DLGAP2: variants seen among roughly 807,000 people sequenced by gnomAD.
DLGAP2 encodes the protein DLG associated protein 2.
Under a neutral mutation model 100.3 loss-of-function variants are expected in DLGAP2, and 26 were observed. The ratio of observed to expected loss-of-function variants is 0.26; its 90% CI spans 0.19 to 0.36. The LOEUF is 0.36. DLGAP2 is among the 10% of genes least tolerant of loss of function. The pLI, the probability that DLGAP2 is intolerant of heterozygous loss-of-function variation, is 1.00. For synonymous variants in DLGAP2, 886 were observed against 630.1 expected, an observed-to-expected ratio of 1.41 and a Z score of -6.08; for missense variants, 1,858 against 1,453.2, an observed-to-expected ratio of 1.28 and a Z score of -4.53.
chr8:1,160,611 C>T (rs1034180122), intron 2 of DLGAP2, among the ~76,000 whole-genome samples: 11 of 152,100 alleles, frequency 7.2e-5, no homozygotes, highest in African/African-American at 2.7e-4. Context: ...ATGTACAGGC[C>T]TTGGAGGAGA....
At chr8:1,220,843 A>G (rs746193664) in intron 2 of DLGAP2, among the ~76,000 whole-genome samples, 6 of 150,998 alleles carry the variant, frequency 4.0e-5, no homozygotes, top group African/African-American at 1.2e-4. Flanking sequence ...TGAACCTTTT[A>G]TCATTATGTA....
In DLGAP2 at chr8:1,583,896, G is replaced by A. The variant is rs142219023; in HGVS notation, c.1442+18002G>A. Among the ~76,000 whole-genome samples the A allele has an allele frequency of 1.4e-3, 208 of 152,006 alleles. 1 individual carries two copies. Among genetic ancestry groups the A allele is most frequent in the African/African-American group, 3.8e-3 (158 of 41,476 alleles). On this transcript the variant is annotated intron_variant, in intron 6 of 14. Coordinates refer to ENST00000637795, the MANE Select transcript of DLGAP2 (RefSeq NM_001346810.2). The stretch of plus-strand genomic sequence containing the variant: ...TCCCCTGACAATTTTCTTCCTCCTC[G>A]CTCCTCTGACTTGAAGTCGGCTGTT...
chr8:941,900 A>T (rs1799204995), intron 2 of DLGAP2, among the ~76,000 whole-genome samples: 1 of 151,918 alleles, frequency 6.6e-6, no homozygotes, highest in African/African-American at 2.4e-5. Flanking sequence ...CTCAGCATTT[A>T]CAGGGCTGAC....
At chr8:911,268 C>A (rs564246603) in intron 2 of DLGAP2, among the ~76,000 whole-genome samples, 1 of 152,012 alleles carries the variant, frequency 6.6e-6, no homozygotes, top group African/African-American at 2.4e-5. Flanking sequence ...TCTTAGGATG[C>A]GTGTGTAATG....
intron 1 of DLGAP2, among the ~76,000 whole-genome samples, chr8:773,282 G>C (rs574469780): frequency 6.6e-6 from 1 of 151,504 alleles, no homozygotes; most frequent in Non-Finnish European, 1.5e-5. Context: ...AATCCTATTG[G>C]ATCAGGGCCC....
chr8:1,186,104 G>A (rs1188775605), intron 2 of DLGAP2, among the ~76,000 whole-genome samples: 2 of 152,170 alleles, frequency 1.3e-5, no homozygotes, highest in Non-Finnish European at 2.9e-5. Flanking sequence ...CTCCCCACTC[G>A]GTGGCCTCGC....
intron 1 of DLGAP2, among the ~76,000 whole-genome samples, chr8:831,194 G>A (rs56691261): frequency 0.13 from 18,563 of 146,328 alleles, 1,303 homozygotes; most frequent in East Asian, 0.24. Context: ...CACCACGCCC[G>A]GTCCAGCAGT....
intron 3 of DLGAP2, among the ~76,000 whole-genome samples, chr8:1,434,818 GTAACATGCATTATCGTTCC>G (rs1227493713): frequency 2.0e-5 from 3 of 152,172 alleles, no homozygotes; most frequent in African/African-American, 7.2e-5. Context: ...GTGAACATGA[GTAACATGCATTATCGTTCC>G]TTCCTCCTCC....
intron 3 of DLGAP2, among the ~76,000 whole-genome samples, chr8:1,417,727 A>ACGGGGAGCCCCACTCCTGCCT: frequency 2.7e-4 from 30 of 111,470 alleles, no homozygotes; most frequent in South Asian, 3.3e-4. Context: ...GAGGCTCCAG[A>ACGGGGAGCCCCACTCCTGCCT]CACAGAAGCC....
intron 4 of DLGAP2, among the ~76,000 whole-genome samples, chr8:1,534,364 G>A (rs376004643): frequency 6.6e-5 from 10 of 152,150 alleles, no homozygotes; most frequent in African/African-American, 2.2e-4. Flanking sequence ...TTTGTGCTTT[G>A]GAAGTCATTG....
intron 2 of DLGAP2, among the ~76,000 whole-genome samples, chr8:1,182,061 T>C (rs17065743): frequency 0.16 from 24,047 of 152,238 alleles, 4,262 homozygotes; most frequent in African/African-American, 0.44. Context: ...GTAAGAGCCA[T>C]GTGCCTGATA....
chr8:1,123,025 C>G (rs191328461), intron 2 of DLGAP2, among the ~76,000 whole-genome samples: 1 of 152,184 alleles, frequency 6.6e-6, no homozygotes, highest in African/African-American at 2.4e-5. Context: ...GCCTTCAAAT[C>G]TTTTATACAA....
chr8:1,601,945 G>GATGTGTGTGTGTGTGTGTGTGT (rs1554506576), intron 6 of DLGAP2, among the ~76,000 whole-genome samples: 10 of 146,348 alleles, frequency 6.8e-5, no homozygotes, highest in African/African-American at 1.8e-4. Context: ...AATTTAACAG[G>GATGTGTGTGTGTGTGTGTGTGT]GTGTGTGTGT....
intron 2 of DLGAP2, among the ~76,000 whole-genome samples, chr8:972,796 T>G (rs1800048938): frequency 6.6e-6 from 1 of 152,194 alleles, no homozygotes; most frequent in African/African-American, 2.4e-5. Flanking sequence ...CCCTGGGTAC[T>G]TGAGATTAGG....
At chr8:1,558,539 A>C (rs1272279761) in intron 5 of DLGAP2, among the ~76,000 whole-genome samples, 1 of 152,082 alleles carries the variant, frequency 6.6e-6, no homozygotes, top group Non-Finnish European at 1.5e-5. Context: ...ATACCTGCAC[A>C]CATACACATA....
intron 3 of DLGAP2, among the ~76,000 whole-genome samples, chr8:1,459,448 C>T (rs1798411864): frequency 6.6e-6 from 1 of 152,208 alleles, no homozygotes; most frequent in Non-Finnish European, 1.5e-5. Flanking sequence ...ATTAATATTG[C>T]AACTGAGGAA....
chr8:1,333,167 C>G (rs559229048), intron 3 of DLGAP2, among the ~76,000 whole-genome samples: 1 of 152,148 alleles, frequency 6.6e-6, no homozygotes, highest in South Asian at 2.1e-4. Context: ...GATCAGGGAC[C>G]ATCCAGAAGC....
chr8:746,460 G>C (rs1820620497), intron 1 of DLGAP2, among the ~76,000 whole-genome samples: 3 of 152,328 alleles, frequency 2.0e-5, no homozygotes, highest in East Asian at 3.9e-4. Flanking sequence ...CACGTCGGCA[G>C]GGGGGCTCCA....
chr8:1,021,905 A>G (rs2129024747), intron 2 of DLGAP2, among the ~76,000 whole-genome samples: 1 of 150,914 alleles, frequency 6.6e-6, no homozygotes, highest in Non-Finnish European at 1.5e-5. Context: ...GACCATCTCC[A>G]CCCCCCACTT....
Sources: allele counts gnomAD v4.1 joint callset (sites outside exome capture counted in the v4.1 genomes callset), GRCh38; gene constraint gnomAD v4.1.1; transcripts MANE v1.5; gene names NCBI Gene and HGNC (gene_info 2026-07-23, HGNC 2026-07-21).